SH3RF3: variants seen among roughly 807,000 people sequenced by gnomAD.
SH3RF3 encodes E3 ubiquitin-protein ligase SH3RF3.
In SH3RF3, 29 loss-of-function variants were observed where a neutral mutation model predicts 66.3. The ratio of observed to expected loss-of-function variants is 0.44; its 90% CI spans 0.33 to 0.60. The LOEUF (loss-of-function observed/expected upper bound fraction) is 0.60, where lower values mean the gene tolerates loss of function less well. SH3RF3 is among the 20% of genes least tolerant of loss of function. The probability of loss-of-function intolerance (pLI) is 0.04; values close to 1 mark genes in which losing one functional copy is unlikely to be tolerated. For synonymous variants in SH3RF3, 583 were observed against 532.0 expected, an observed-to-expected ratio of 1.10 and a Z score of -1.32; for missense variants, 1,194 against 1,190.9, an observed-to-expected ratio of 1.00 and a Z score of -0.04.
intron 1 of SH3RF3, among the ~76,000 whole-genome samples, chr2:109,143,166 C>T (rs1437409725): frequency 6.6e-6 from 1 of 152,090 alleles, no homozygotes; most frequent in African/African-American, 2.4e-5. Flanking sequence ...ATTTAATGGT[C>T]CATTCTGTTT....
At chr2:109,360,747 A>G (rs1683036263) in intron 2 of SH3RF3, among the ~76,000 whole-genome samples, 2 of 152,232 alleles carry the variant, frequency 1.3e-5, no homozygotes, top group Non-Finnish European at 2.9e-5. Flanking sequence ...TAAATAGATG[A>G]TCATGTCATC....
chr2:109,322,556 C>T (rs1682050602), intron 1 of SH3RF3, among the ~76,000 whole-genome samples: 1 of 152,176 alleles, frequency 6.6e-6, no homozygotes, highest in Admixed American at 6.5e-5. Flanking sequence ...TAATAGTGTG[C>T]ACTGATTTTG....
At chr2:109,202,137 A>G (rs1443667753) in intron 1 of SH3RF3, among the ~76,000 whole-genome samples, 1 of 152,120 alleles carries the variant, frequency 6.6e-6, no homozygotes, top group African/African-American at 2.4e-5. Context: ...AGATCAGCAT[A>G]TGGACGCACT....
At chr2:109,271,624 C>T (rs540266767) in intron 1 of SH3RF3, among the ~76,000 whole-genome samples, 39 of 152,336 alleles carry the variant, frequency 2.6e-4, no homozygotes, top group East Asian at 1.4e-3. Context: ...GGGTGAGGCC[C>T]CGTGTGGTTC....
chr2:109,404,144 C>T lies in SH3RF3; in HGVS notation c.1299+5201C>T, dbSNP rs964267027. Among the ~76,000 whole-genome samples, 3 of 151,914 alleles carry T rather than the reference C, an allele frequency of 2.0e-5. No homozygotes were observed. The South Asian group carries it at 6.2e-4, about 32-fold the overall frequency. On this transcript the variant is annotated intron_variant, in intron 4 of 9. Coordinates refer to ENST00000309415, the MANE Select transcript of SH3RF3 (RefSeq NM_001099289.3). The stretch of plus-strand genomic sequence containing the variant: ...GTGGTGGGTAAGAAGTGGGTGTGGC[C>T]GAGACCACTGCAGGATGGGAAGGAG...
intron 1 of SH3RF3, among the ~76,000 whole-genome samples, chr2:109,183,619 T>G (rs1294730344): frequency 6.6e-6 from 1 of 152,008 alleles, no homozygotes. Flanking sequence ...AATGAGAAAT[T>G]AACTTCTTTT....
chr2:109,454,252 A>T (rs944048893), intron 8 of SH3RF3, among the ~76,000 whole-genome samples: 3 of 152,190 alleles, frequency 2.0e-5, no homozygotes, highest in African/African-American at 7.2e-5. Context: ...GCTGGTATTT[A>T]TAATTACTTT....
chr2:109,405,524 A>T (rs540121150), intron 4 of SH3RF3, among the ~76,000 whole-genome samples: 1 of 151,934 alleles, frequency 6.6e-6, no homozygotes, highest in South Asian at 2.1e-4. Context: ...GCCCTGGTCC[A>T]TTTCTCCCCG....
intron 1 of SH3RF3, among the ~76,000 whole-genome samples, chr2:109,170,238 T>TC (rs1677731906): frequency 1.8e-4 from 7 of 39,334 alleles, no homozygotes; most frequent in African/African-American, 8.7e-4. Context: ...TCTTCTCTTC[T>TC]TTTCTTTTCT....
intron 1 of SH3RF3, among the ~76,000 whole-genome samples, chr2:109,172,552 G>A (rs756684050): frequency 6.6e-6 from 1 of 152,172 alleles, no homozygotes; most frequent in Admixed American, 6.5e-5. Context: ...CCTAGCTCTT[G>A]TTATTCCAAA....
chr2:109,178,457 G>A (rs558566431), intron 1 of SH3RF3, among the ~76,000 whole-genome samples: 7 of 152,254 alleles, frequency 4.6e-5, no homozygotes, highest in African/African-American at 1.7e-4. Flanking sequence ...TCCTGTAGCA[G>A]GTCCTCCAGA....
At chr2:109,159,526 G>T (rs1677434652) in intron 1 of SH3RF3, among the ~76,000 whole-genome samples, 1 of 152,216 alleles carries the variant, frequency 6.6e-6, no homozygotes, top group Non-Finnish European at 1.5e-5. Flanking sequence ...GTTGCTCACA[G>T]CTTATTGTCC....
intron 1 of SH3RF3, among the ~76,000 whole-genome samples, chr2:109,254,598 T>C (rs1221046530): frequency 6.6e-6 from 1 of 152,230 alleles, no homozygotes; most frequent in East Asian, 1.9e-4. Flanking sequence ...ACCATGACTA[T>C]TCCCATGACC....
chr2:109,500,419 G>A (rs34973135), intron 9 of SH3RF3, among the ~76,000 whole-genome samples: 20,832 of 152,106 alleles, frequency 0.14, 1,555 homozygotes, highest in East Asian at 0.21. Context: ...GGTCCCTGCA[G>A]GCGGAGGCCA....
At chr2:109,273,490 A>G (rs537699103) in intron 1 of SH3RF3, among the ~76,000 whole-genome samples, 16 of 152,344 alleles carry the variant, frequency 1.1e-4, no homozygotes, top group Middle Eastern at 3.4e-3. Context: ...AGCCTGCAGC[A>G]TGTGCCAGTG....
At chr2:109,255,787 A>C (rs1292567374) in intron 1 of SH3RF3, among the ~76,000 whole-genome samples, 1 of 152,228 alleles carries the variant, frequency 6.6e-6, no homozygotes, top group Non-Finnish European at 1.5e-5. Context: ...TAATGAAGAC[A>C]AGGAAATGAA....
chr2:109,469,357 C>G (rs745755164), intron 8 of SH3RF3, among the ~76,000 whole-genome samples: 1 of 152,022 alleles, frequency 6.6e-6, no homozygotes, highest in African/African-American at 2.4e-5. Context: ...TGGCCCTTTA[C>G]TAGCCCCCGT....
intron 1 of SH3RF3, among the ~76,000 whole-genome samples, chr2:109,260,552 C>A (rs183787352): frequency 6.6e-6 from 1 of 152,314 alleles, no homozygotes; most frequent in African/African-American, 2.4e-5. Flanking sequence ...CACAGGGACA[C>A]CTTGGTCATA....
chr2:109,232,437 C>G (rs997997643), intron 1 of SH3RF3, among the ~76,000 whole-genome samples: 2 of 152,184 alleles, frequency 1.3e-5, no homozygotes, highest in African/African-American at 4.8e-5. Flanking sequence ...GAGCCCTGGT[C>G]TGCCTATCTA....
Sources: allele counts gnomAD v4.1 joint callset (sites outside exome capture counted in the v4.1 genomes callset), GRCh38; gene constraint gnomAD v4.1.1; transcripts MANE v1.5; gene names NCBI Gene and HGNC (gene_info 2026-07-23, HGNC 2026-07-21).